Variants in MAP2K6 observed in about 807,000 individuals in gnomAD.
MAP2K6 encodes the protein dual specificity mitogen-activated protein kinase kinase 6.
MAP2K6 carries 16 observed loss-of-function variants against 53.7 expected under a neutral mutation model. The ratio of observed to expected loss-of-function variants is 0.30; its 90% CI spans 0.20 to 0.45. The LOEUF is 0.45. MAP2K6 is among the 20% of genes least tolerant of loss of function. MAP2K6 has a pLI of 1.00. For missense variants in MAP2K6, 204 were observed against 411.9 expected (o/e 0.50, Z 4.37); for synonymous variants, 132 against 143.1 (o/e 0.92, Z 0.55).
chr17:69,422,641 C>A (rs905831576), intron 1 of MAP2K6, among the ~76,000 whole-genome samples: 1 of 152,236 alleles, frequency 6.6e-6, no homozygotes, highest in African/African-American at 2.4e-5. Flanking sequence ...TTGTCATCAT[C>A]ACTTACCCTA....
intron 11 of MAP2K6, among the ~76,000 whole-genome samples, chr17:69,537,667 C>A (rs1393887586): frequency 2.0e-5 from 3 of 152,202 alleles, no homozygotes; most frequent in East Asian, 1.9e-4. Context: ...GAAGATTGAA[C>A]CATTTTGCAA....
At chr17:69,463,677 C>CATACATACACATACATATATGTATATAT (rs1567827009) in intron 1 of MAP2K6, among the ~76,000 whole-genome samples, 36 of 151,336 alleles carry the variant, frequency 2.4e-4, no homozygotes, top group Admixed American at 9.2e-4. Context: ...TATGTATATA[C>CATACATACACATACATATATGTATATAT]ACACACACAC....
intron 1 of MAP2K6, among the ~76,000 whole-genome samples, chr17:69,476,733 G>A (rs1908163192): frequency 6.6e-6 from 1 of 152,170 alleles, no homozygotes. Context: ...GAAGTGGTCT[G>A]TTATGATCAG....
Position 69,512,328 on chromosome 17 carries a change from G to GTTTT in MAP2K6, c.84-4520_84-4517dup, listed in dbSNP as rs796414361. Among the ~76,000 whole-genome samples, 194 of 75,190 alleles carry GTTTT rather than the reference G, an allele frequency of 2.6e-3. 31 individuals are homozygous for GTTTT. The highest frequency in any genetic ancestry group is 4.0e-3 in the African/African-American group (83 of 20,496). 49.3% of individuals were successfully genotyped at this position (75,190 alleles called of 152,430 possible). A position where few individuals can be genotyped will look rare whatever the true frequency, so the allele number is the denominator to read the frequency against. ...TTCTAATCTCATTGTCTTTCTAAGT[G>GTTTT]TTTTTTTTTTGTTTTTTTTTTTTTT... On this transcript the variant is annotated intron_variant, in intron 2 of 11. Transcript: ENST00000590474.
chr17:69,455,713 CT>C (rs1182434483), intron 1 of MAP2K6, among the ~76,000 whole-genome samples: 1 of 152,034 alleles, frequency 6.6e-6, no homozygotes, highest in Non-Finnish European at 1.5e-5. Context: ...CTTGTTTGTT[CT>C]TTTTCCCTCC....
chr17:69,535,192 G>T (rs1479883925), intron 10 of MAP2K6, among the ~76,000 whole-genome samples: 4 of 152,104 alleles, frequency 2.6e-5, no homozygotes, highest in African/African-American at 7.2e-5. Context: ...TGACCATAAA[G>T]TATTTCTAAC....
chr17:69,469,605 T>C (rs1451426252), intron 1 of MAP2K6, among the ~76,000 whole-genome samples: 1 of 151,208 alleles, frequency 6.6e-6, no homozygotes, highest in African/African-American at 2.4e-5. Flanking sequence ...CTACGAAAAA[T>C]ACAAAAAATT....
intron 1 of MAP2K6, among the ~76,000 whole-genome samples, chr17:69,470,231 T>C (rs1907943029): frequency 6.6e-6 from 1 of 152,050 alleles, no homozygotes; most frequent in African/African-American, 2.4e-5. Context: ...GTAGAAACAA[T>C]GTAGTGTGTA....
At chr17:69,428,615 C>T (rs557962162) in intron 1 of MAP2K6, among the ~76,000 whole-genome samples, 405 of 152,224 alleles carry the variant, frequency 2.7e-3, no homozygotes, top group African/African-American at 8.5e-3. Context: ...CAAACATGGT[C>T]AGCAAACTAA....
At chr17:69,513,652 A>G (rs1054480627) in intron 2 of MAP2K6, among the ~76,000 whole-genome samples, 1 of 152,126 alleles carries the variant, frequency 6.6e-6, no homozygotes, top group African/African-American at 2.4e-5. Context: ...CAAGCATTTA[A>G]ATTTGGAAAA....
intron 1 of MAP2K6, among the ~76,000 whole-genome samples, chr17:69,498,592 C>T (rs911793088): frequency 4.6e-5 from 7 of 151,704 alleles, no homozygotes; most frequent in African/African-American, 1.7e-4. Flanking sequence ...CTTTTTAGCA[C>T]TTAGAGACTC....
chr17:69,424,363 A>G (rs184442344), intron 1 of MAP2K6, among the ~76,000 whole-genome samples: 154 of 152,344 alleles, frequency 1.0e-3, no homozygotes, highest in African/African-American at 3.5e-3. Context: ...GCTAATTTCT[A>G]CCATCCCAGA....
At chr17:69,437,410 G>A (rs1255907540) in intron 1 of MAP2K6, among the ~76,000 whole-genome samples, 1 of 152,086 alleles carries the variant, frequency 6.6e-6, no homozygotes, top group Non-Finnish European at 1.5e-5. Flanking sequence ...AAGAGGGGTT[G>A]GTTTTGCTGT....
intron 1 of MAP2K6, among the ~76,000 whole-genome samples, chr17:69,465,866 G>A (rs915112806): frequency 2.6e-5 from 4 of 151,184 alleles, no homozygotes; most frequent in African/African-American, 7.3e-5. Context: ...TGATCTGCCC[G>A]CCTTGGCCTC....
intron 1 of MAP2K6, among the ~76,000 whole-genome samples, chr17:69,440,779 C>T (rs1413276597): frequency 1.3e-5 from 2 of 149,982 alleles, no homozygotes; most frequent in East Asian, 1.9e-4. Flanking sequence ...CTGAATCCTT[C>T]TAGCCTCCAT....
intron 1 of MAP2K6, among the ~76,000 whole-genome samples, chr17:69,503,873 G>C (rs903773872): frequency 6.6e-6 from 1 of 152,160 alleles, no homozygotes; most frequent in Non-Finnish European, 1.5e-5. Context: ...TTTTACAATT[G>C]AGAAAACTGA....
At chr17:69,523,665 A>T in intron 8 of MAP2K6, 24 bp downstream of exon 8, 1 of 1,611,824 alleles carries the variant, frequency 6.2e-7, no homozygotes, top group Non-Finnish European at 8.5e-7. Context: ...CTAGGGTGGC[A>T]TCTGGTAATG....
At position 69,525,996 on chromosome 17, in the gene MAP2K6, TG is replaced by T. The variant is rs534373982; in HGVS notation, c.742-573del. ...ATCACCAAGGTCTGGAATTATCCAC[TG>T]TGGTCCTGGCTCCTCCCCAGGCACA... On this transcript the variant is annotated intron_variant, in intron 9 of 11. Coordinates refer to ENST00000590474, the MANE Select transcript of MAP2K6 (RefSeq NM_002758.4). Among the ~76,000 whole-genome samples the T allele has an allele frequency of 1.4e-3, 210 of 152,322 alleles. 2 individuals are homozygous for T. Among genetic ancestry groups the T allele is most frequent in the Admixed American group, 0.014 (207 of 15,304 alleles).
chr17:69,487,536 T>G (rs896498123), intron 1 of MAP2K6, among the ~76,000 whole-genome samples: 1 of 152,236 alleles, frequency 6.6e-6, no homozygotes, highest in Non-Finnish European at 1.5e-5. Flanking sequence ...CCCAGACATA[T>G]TTATTGAGCA....
Sources: gnomAD v4.1 joint callset for allele counts (sites outside exome capture counted in the v4.1 genomes callset) on GRCh38, gnomAD v4.1.1 for gene constraint, MANE v1.5 for transcripts, NCBI Gene and HGNC (gene_info 2026-07-23, HGNC 2026-07-21) for gene names.